Variants in MARCHF10 observed in about 807,000 individuals in gnomAD.
The protein encoded by MARCHF10 is probable E3 ubiquitin-protein ligase MARCHF10.
MARCHF10 carries 64 observed loss-of-function variants against 76.2 expected under a neutral mutation model. The observed-to-expected ratio is 0.84, with a 90% CI of 0.69 to 1.03. MARCHF10 has a LOEUF of 1.03. Ranked by LOEUF, MARCHF10 falls within the 50% of genes least tolerant of loss-of-function variation. The pLI, the probability that MARCHF10 is intolerant of heterozygous loss-of-function variation, is 0.00. For missense variants in MARCHF10, 875 were observed against 958.0 expected (o/e 0.91, Z 1.14); for synonymous variants, 340 against 357.5 (o/e 0.95, Z 0.55).
chr17:62,751,264 G>A (rs547517791), intron 4 of MARCHF10, among the ~76,000 whole-genome samples: 3 of 152,184 alleles, frequency 2.0e-5, no homozygotes, highest in Admixed American at 1.3e-4. Flanking sequence ...ACCTTGAATC[G>A]ACGGCTTACC....
At chr17:62,703,615 T>C (rs889220247) in intron 10 of MARCHF10, among the ~76,000 whole-genome samples, 1 of 152,210 alleles carries the variant, frequency 6.6e-6, no homozygotes, top group African/African-American at 2.4e-5. Context: ...GAGAACTGGC[T>C]GTCTCCACCT....
chr17:62,745,668 C>T (rs1480594515), intron 4 of MARCHF10, among the ~76,000 whole-genome samples: 2 of 152,176 alleles, frequency 1.3e-5, no homozygotes, highest in East Asian at 1.9e-4. Context: ...TGTGTTGGGA[C>T]GATATTCATA....
At chr17:62,729,242 C>G (rs1022516046) in intron 6 of MARCHF10, among the ~76,000 whole-genome samples, 4 of 151,872 alleles carry the variant, frequency 2.6e-5, no homozygotes, top group African/African-American at 9.7e-5. Context: ...TGTGCCTGGC[C>G]TGAAGGATTT....
At chr17:62,720,436 T>C (rs994915268) in intron 8 of MARCHF10, among the ~76,000 whole-genome samples, 10 of 152,198 alleles carry the variant, frequency 6.6e-5, no homozygotes, top group African/African-American at 2.2e-4. Flanking sequence ...CCTCCCACCT[T>C]AGGTGGGACA....
At chr17:62,746,890 C>T (rs894270254) in intron 4 of MARCHF10, 6 of 1,535,984 alleles carry the variant, frequency 3.9e-6, no homozygotes, top group Non-Finnish European at 5.2e-6. Flanking sequence ...TGCTTCTGCT[C>T]ATGGGACCTT....
intron 5 of MARCHF10, among the ~76,000 whole-genome samples, chr17:62,740,530 AT>A (rs1328476769): frequency 6.6e-6 from 1 of 152,262 alleles, no homozygotes; most frequent in East Asian, 1.9e-4. Context: ...TAAAATAAAA[AT>A]CCCCCATAAT....
intron 8 of MARCHF10, among the ~76,000 whole-genome samples, chr17:62,715,521 C>T (rs1260982839): frequency 1.3e-5 from 2 of 152,202 alleles, no homozygotes; most frequent in African/African-American, 2.4e-5. Context: ...TGCCCTCCAC[C>T]GCAAAACCGA....
chr17:62,782,617 T>C (rs1225750853), intron 3 of MARCHF10, among the ~76,000 whole-genome samples: 1 of 152,064 alleles, frequency 6.6e-6, no homozygotes, highest in East Asian at 1.9e-4. Flanking sequence ...AGTGCTGGGA[T>C]TACAGGTGTG....
At chr17:62,724,736 AAAAC>A (rs2090666332) in intron 7 of MARCHF10, among the ~76,000 whole-genome samples, 198 bp downstream of exon 7, 1 of 152,184 alleles carries the variant, frequency 6.6e-6, no homozygotes, top group Admixed American at 6.5e-5. Context: ...AACCAAAACA[AAAAC>A]AAACAAAAAA....
chr17:62,722,418 G>A, intron 8 of MARCHF10, 70 bp downstream of exon 8: 1 of 1,050,314 alleles, frequency 9.5e-7, no homozygotes, highest in South Asian at 1.4e-5. Context: ...ATCAGGGAAG[G>A]GGAATGTCTT....
intron 3 of MARCHF10, among the ~76,000 whole-genome samples, chr17:62,773,353 G>C (rs2092483433): frequency 6.6e-6 from 1 of 152,196 alleles, no homozygotes; most frequent in South Asian, 2.1e-4. Flanking sequence ...CAGAGACGGG[G>C]AAGTCATTTG....
At chr17:62,718,605 G>C (rs2090334308) in intron 8 of MARCHF10, among the ~76,000 whole-genome samples, 1 of 152,182 alleles carries the variant, frequency 6.6e-6, no homozygotes, top group African/African-American at 2.4e-5. Context: ...TGCCCAAAAT[G>C]ATCTATTTCT....
chr17:62,705,502 C>G, intron 10 of MARCHF10, 37 bp downstream of exon 10: 1 of 1,614,122 alleles, frequency 6.2e-7, no homozygotes, highest in Non-Finnish European at 8.5e-7. Flanking sequence ...ATTTAGCAAA[C>G]ACCCTCAAAA....
At chr17:62,760,074 AG>A in intron 3 of MARCHF10, 68 bp from the exon 4 acceptor site, 1 of 1,372,358 alleles carries the variant, frequency 7.3e-7, no homozygotes, top group Non-Finnish European at 1.0e-6. Flanking sequence ...CAGAGAAAAC[AG>A]AAATGAGGCA....
At chr17:62,793,681 C>CATG (rs2092928196) in intron 2 of MARCHF10, among the ~76,000 whole-genome samples, 1 of 149,422 alleles carries the variant, frequency 6.7e-6, no homozygotes, top group African/African-American at 2.5e-5. Context: ...CCACCTCCAT[C>CATG]ACCACCACCA....
chr17:62,769,499 C>A (rs2092401074), intron 3 of MARCHF10, among the ~76,000 whole-genome samples: 1 of 152,150 alleles, frequency 6.6e-6, no homozygotes, highest in African/African-American at 2.4e-5. Flanking sequence ...CTTACTGTAA[C>A]CTCCGCCCTG....
At position 62,777,177 on chromosome 17, in the gene MARCHF10, G is replaced by C. The variant is rs191602195; in HGVS notation, c.210+11303C>G. ...GCGATATGGTTACAACTTTTGATAGGTGCACATTCCTAAAACATTCTTGCA... is the reference window on the plus strand; with the variant it reads ...GCGATATGGTTACAACTTTTGATAGCTGCACATTCCTAAAACATTCTTGCA... On this transcript the variant is annotated intron_variant, in intron 3 of 10. Transcript: ENST00000311269. Among the ~76,000 whole-genome samples the C allele has an allele frequency of 1.7e-3, 255 of 152,244 alleles. 1 individual carries two copies. Among genetic ancestry groups the C allele is most frequent in the African/African-American group, 6.0e-3 (248 of 41,552 alleles).
chr17:62,788,417 A>G lies in MARCHF10; in HGVS notation c.210+63T>C. 1.9e-6 allele frequency: 3 copies of G among 1,599,262 alleles called. 1 individual carries two copies. The South Asian group carries it at 3.3e-5, about 18-fold the overall frequency. Reference sequence around the variant, plus strand: ...GCTTTTTCCTACATCACACACACACACACACCACCACCACCAGCAGCAGCA... The same window carrying G: ...GCTTTTTCCTACATCACACACACACGCACACCACCACCACCAGCAGCAGCA... On this transcript the variant is annotated intron_variant, in intron 3 of 10. Transcript: ENST00000311269.
intron 2 of MARCHF10, among the ~76,000 whole-genome samples, chr17:62,794,736 G>A (rs1054269075): frequency 6.6e-6 from 1 of 152,100 alleles, no homozygotes; most frequent in Admixed American, 6.5e-5. Context: ...ACCACGACCC[G>A]ACTTTACATC....
Sources: gnomAD v4.1 joint callset for allele counts (sites outside exome capture counted in the v4.1 genomes callset) on GRCh38, gnomAD v4.1.1 for gene constraint, MANE v1.5 for transcripts, NCBI Gene and HGNC (gene_info 2026-07-23, HGNC 2026-07-21) for gene names.